ERCC6: variants seen among roughly 807,000 people sequenced by gnomAD.
The protein encoded by ERCC6 is DNA excision repair protein ERCC-6.
A neutral mutation model predicts 158.7 loss-of-function variants in ERCC6; 116 were observed. The observed-to-expected ratio is 0.73, with a 90% CI of 0.63 to 0.85. The LOEUF is 0.85. Among genes scored for constraint, ERCC6 ranks in the 40% least tolerant of loss-of-function variants. The probability of loss-of-function intolerance (pLI) is 0.00; values close to 1 mark genes in which losing one functional copy is unlikely to be tolerated. For synonymous variants in ERCC6, 678 were observed against 659.3 expected, an observed-to-expected ratio of 1.03 and a Z score of -0.43; for missense variants, 1,698 against 1,799.4, an observed-to-expected ratio of 0.94 and a Z score of 1.02.
intron 1 of ERCC6, among the ~76,000 whole-genome samples, chr10:49,535,839 T>G (rs1837583619): frequency 2.0e-5 from 3 of 152,160 alleles, no homozygotes; most frequent in African/African-American, 7.2e-5. Context: ...AAAAGAAGTT[T>G]CAGGCCAGGC....
At position 49,482,734 on chromosome 10, in the gene ERCC6, AGAAC is replaced by A. The variant is rs764636798; in HGVS notation, c.2118_2121del (p.Gln706HisfsTer32). The A allele has an allele frequency of 1.2e-6, 2 of 1,614,000 alleles. No homozygotes were observed. Among genetic ancestry groups the A allele is most frequent in the South Asian group, 2.2e-5 (2 of 91,072 alleles). On this transcript the variant is annotated frameshift_variant, in exon 10 of 21. Coordinates refer to ENST00000355832, the MANE Select transcript of ERCC6 (RefSeq NM_000124.4). LOFTEE classifies it high-confidence loss of function. ...TATCCCCCCATGGTGATGGGGACGG[AGAAC>A]TGCTCCATAAACACAGGCAACGTGC...
intron 1 of ERCC6, among the ~76,000 whole-genome samples, chr10:49,533,859 C>T (rs1343926158): frequency 6.6e-6 from 1 of 151,726 alleles, no homozygotes; most frequent in Non-Finnish European, 1.5e-5. Flanking sequence ...ATAGGCTGGG[C>T]ACGATGGCTC....
chr10:49,461,979 G>A (rs1002529538), intron 18 of ERCC6, among the ~76,000 whole-genome samples: 1 of 152,164 alleles, frequency 6.6e-6, no homozygotes, highest in African/African-American at 2.4e-5. Flanking sequence ...CATTTTCCCT[G>A]AGTTAATTTA....
chr10:49,478,437 G>C lies in ERCC6; in HGVS notation c.2203C>G (p.Arg735Gly), dbSNP rs121917901. The change falls in exon 11 of 21, where the codon CGA becomes GGA. Residue 735 changes from arginine to glycine, a missense_variant. Coordinates refer to ENST00000355832, the MANE Select transcript of ERCC6 (RefSeq NM_000124.4). ...AGTAGGTATGGATTTATGGTATCTCGTAAGACACATGCACACTTGTAAGCA... is the reference window on the plus strand; with the variant it reads ...AGTAGGTATGGATTTATGGTATCTCCTAAGACACATGCACACTTGTAAGCA... ...KTAYKCACVL[R>G]DTINPYLLRR... 1 of 1,613,336 alleles carries C rather than the reference G, an allele frequency of 6.2e-7. No individual in the cohort carries two copies.
At chr10:49,538,462 G>C (rs1441404446) in intron 1 of ERCC6, among the ~76,000 whole-genome samples, 2 of 152,192 alleles carry the variant, frequency 1.3e-5, no homozygotes, top group East Asian at 3.9e-4. Flanking sequence ...AAAAGTTGAG[G>C]AGAAAAGCGA....
chr10:49,526,125 A>T (rs1361733608), intron 4 of ERCC6, among the ~76,000 whole-genome samples: 15 of 13,020 alleles, frequency 1.2e-3, no homozygotes, highest in African/African-American at 3.7e-3. Flanking sequence ...TTTTATATAT[A>T]TATATATATA....
intron 1 of ERCC6, 88 bp from the exon 2 acceptor site, chr10:49,533,066 T>A (rs1050794884): frequency 1.4e-6 from 2 of 1,436,232 alleles, no homozygotes; most frequent in African/African-American, 2.9e-5. Context: ...GACTGATTTC[T>A]CAAAAGATCA....
At chr10:49,511,482 T>C (rs761491564) in intron 5 of ERCC6, among the ~76,000 whole-genome samples, 32 of 151,570 alleles carry the variant, frequency 2.1e-4, no homozygotes, top group African/African-American at 6.8e-4. Context: ...TGGAGTACAG[T>C]GGCACGATCT....
At chr10:49,441,407 G>C in the ERCC6 span, among the ~76,000 whole-genome samples, 1 of 152,156 alleles carries the variant, frequency 6.6e-6, no homozygotes, top group African/African-American at 2.4e-5. Flanking sequence ...CGAAGTGGAG[G>C]AGGGGCCTCC....
chr10:49,526,310 T>C (rs566562432), intron 4 of ERCC6, among the ~76,000 whole-genome samples: 145 of 147,608 alleles, frequency 9.8e-4, no homozygotes, highest in African/African-American at 3.6e-3. Context: ...TGGTACCACA[T>C]TATGGCTATA....
intron 20 of ERCC6, 168 bp downstream of exon 20, chr10:49,460,205 T>G (rs1850552232): frequency 3.0e-6 from 2 of 663,628 alleles, no homozygotes; most frequent in Non-Finnish European, 5.4e-6. Flanking sequence ...CAGCAGGTCC[T>G]TTTAGATTCA....
intron 7 of ERCC6, among the ~76,000 whole-genome samples, chr10:49,494,993 G>A (rs371978640): frequency 4.6e-5 from 7 of 152,152 alleles, no homozygotes; most frequent in African/African-American, 1.7e-4. Context: ...TTTCACTTAG[G>A]TGCAGTCAAA....
Position 49,455,403 on chromosome 10 carries a change from C to T in ERCC6, c.*3412G>A, listed in dbSNP as rs1850468774. ...CACAATTTTACTGGAATTTAATAAA[C>T]TAATTCTTGATTCAGCTGGAACAGA... On this transcript the variant is annotated 3_prime_UTR_variant, in exon 21 of 21. Coordinates refer to ENST00000355832, the MANE Select transcript of ERCC6 (RefSeq NM_000124.4). 6.6e-6 allele frequency: 1 copy of T among 152,148 alleles called. No homozygotes were observed. The highest frequency in any genetic ancestry group is 1.5e-5 in the Non-Finnish European group (1 of 68,040). The allele number at this position is 152,148 out of a possible 1,614,324, so 9.4% of individuals were successfully genotyped here.
At chr10:49,527,264 C>T (rs1370396643) in intron 4 of ERCC6, among the ~76,000 whole-genome samples, 1 of 152,204 alleles carries the variant, frequency 6.6e-6, no homozygotes, top group Admixed American at 6.5e-5. Context: ...AAGACAACAG[C>T]AGATCTGAGA....
At position 49,472,300 on chromosome 10, in the gene ERCC6, AAAC is replaced by A. The variant is rs1644065177; in HGVS notation, c.2924+73_2924+75del. 5 of 1,309,790 alleles carry A rather than the reference AAAC, an allele frequency of 3.8e-6. No individual in the cohort carries two copies. The South Asian group carries it at 5.9e-5, about 15-fold the overall frequency. 81.1% of individuals were successfully genotyped at this position (1,309,790 alleles called of 1,614,324 possible). A position where few individuals can be genotyped will look rare whatever the true frequency, so the allele number is the denominator to read the frequency against. On this transcript the variant is annotated intron_variant, in intron 16 of 20. Transcript: ENST00000355832. ...TATTCTAAGATGTTAAGACTTTTAAAAACAACACTTTGGAAAAATTCCCTGCTC... is the reference window on the plus strand; with the variant it reads ...TATTCTAAGATGTTAAGACTTTTAAAAACACTTTGGAAAAATTCCCTGCTC...
chr10:49,500,504 T>G, intron 7 of ERCC6, 34 bp downstream of exon 7: 1 of 1,609,422 alleles, frequency 6.2e-7, no homozygotes, highest in Middle Eastern at 1.7e-4. Flanking sequence ...TTAATTGAGC[T>G]CCACAGACTG....
intron 13 of ERCC6, among the ~76,000 whole-genome samples, 176 bp downstream of exon 13, chr10:49,473,851 T>A (rs897045768): frequency 2.0e-5 from 3 of 152,182 alleles, no homozygotes; most frequent in East Asian, 3.9e-4. Context: ...AAAAGTCAAC[T>A]TTTAGACACC....
intron 8 of ERCC6, among the ~76,000 whole-genome samples, chr10:49,491,632 T>C (rs928508509): frequency 1.8e-4 from 27 of 152,296 alleles, no homozygotes; most frequent in Admixed American, 5.2e-4. Context: ...CCATAATGAG[T>C]CCATGTATGT....
chr10:49,451,104 C>A (rs912656918), downstream of ERCC6, among the ~76,000 whole-genome samples: 1 of 152,128 alleles, frequency 6.6e-6, no homozygotes, highest in African/African-American at 2.4e-5. Context: ...AGCCACCATG[C>A]CCGGCCCAAC....
Sources: gnomAD v4.1 joint callset for allele counts (sites outside exome capture counted in the v4.1 genomes callset) on GRCh38, gnomAD v4.1.1 for gene constraint, MANE v1.5 for transcripts, NCBI Gene and HGNC (gene_info 2026-07-23, HGNC 2026-07-21) for gene names.